The following KIF13B variants were observed in gnomAD, a reference collection of about 807,000 sequenced individuals.
The protein encoded by KIF13B is kinesin-like protein KIF13B.
KIF13B carries 127 observed loss-of-function variants against 222.0 expected under a neutral mutation model. The ratio of observed to expected loss-of-function variants is 0.57; its 90% confidence interval spans 0.50 to 0.66. The LOEUF is 0.66. Ranked by LOEUF, KIF13B falls within the 30% of genes least tolerant of loss-of-function variation. The pLI, the probability that KIF13B is intolerant of heterozygous loss-of-function variation, is 0.00. For synonymous variants in KIF13B, 976 were observed against 919.0 expected (o/e 1.06, Z -1.12); for missense variants, 2,173 against 2,379.0 (o/e 0.91, Z 1.80).
At chr8:29,117,077 C>G in intron 30 of KIF13B, 70 bp from the exon 31 acceptor site, 1 of 1,404,404 alleles carries the variant, frequency 7.1e-7, no homozygotes, top group South Asian at 1.4e-5. Context: ...TCAAGGAAAC[C>G]ACCTTGGCTC....
At chr8:29,208,616 T>C (rs887353069) in intron 2 of KIF13B, among the ~76,000 whole-genome samples, 4 of 152,208 alleles carry the variant, frequency 2.6e-5, no homozygotes, top group Admixed American at 6.5e-5. Context: ...TAGGTCAGCG[T>C]TGGCTTGGGA....
chr8:29,228,472 A>AAAAAATATATATATATAT lies in KIF13B; in HGVS notation c.149+16873_149+16874insATATATATATATATTTTT. Among the ~76,000 whole-genome samples the AAAAAATATATATATATAT allele has an allele frequency of 4.9e-4, 57 of 117,076 alleles. 4 individuals carry two copies. Among genetic ancestry groups the AAAAAATATATATATATAT allele is most frequent in the South Asian group, 2.3e-3 (8 of 3,490 alleles). The allele number at this position is 117,076 out of a possible 152,430, so 76.8% of individuals were successfully genotyped here. A position where few individuals can be genotyped will look rare whatever the true frequency, so the allele number is the denominator to read the frequency against. On this transcript the variant is annotated intron_variant, in intron 2 of 39. Transcript: ENST00000524189. ...ACAGAGCCAGACTCCATCTTAAAAA[A>AAAAAATATATATATATAT]ATATATATATATATATATGAGATAC...
intron 1 of KIF13B, among the ~76,000 whole-genome samples, chr8:29,246,901 A>G (rs1816051658): frequency 6.6e-6 from 1 of 152,218 alleles, no homozygotes; most frequent in Non-Finnish European, 1.5e-5. Flanking sequence ...CCACAGGCAA[A>G]AGAATGAAGT....
rs547463544 is a variant in KIF13B at position 29,100,740 on chromosome 8, G to A, written c.4216-1499C>T. Among the ~76,000 whole-genome samples, 18 of 152,294 alleles carry A rather than the reference G, an allele frequency of 1.2e-4. No individual in the cohort carries two copies. In the East Asian group the frequency reaches 2.9e-3, roughly 24 times the overall value. ...GCTGAGATTACAGGCGTGAGCCAACGCGCCTGGCAAGTTTTCTTTACTAAT... is the reference window on the plus strand; with the variant it reads ...GCTGAGATTACAGGCGTGAGCCAACACGCCTGGCAAGTTTTCTTTACTAAT... On this transcript the variant is annotated intron_variant, in intron 35 of 39. Coordinates refer to ENST00000524189, the MANE Select transcript of KIF13B (RefSeq NM_015254.4).
intron 2 of KIF13B, among the ~76,000 whole-genome samples, chr8:29,210,472 G>A (rs1007087073): frequency 7.9e-5 from 12 of 152,138 alleles, no homozygotes; most frequent in Non-Finnish European, 1.6e-4. Flanking sequence ...TCTCCTTCCA[G>A]CCTTATTGCC....
intron 2 of KIF13B, among the ~76,000 whole-genome samples, chr8:29,205,372 C>A (rs1055821770): frequency 2.6e-5 from 4 of 152,132 alleles, no homozygotes; most frequent in African/African-American, 9.7e-5. Flanking sequence ...TAGATCTGAA[C>A]AACTACCACC....
At chr8:29,255,824 CAT>C (rs1467388338) in intron 1 of KIF13B, among the ~76,000 whole-genome samples, 16 of 152,170 alleles carry the variant, frequency 1.1e-4, no homozygotes, top group Admixed American at 4.6e-4. Context: ...ATTCCTGTGA[CAT>C]GTGATTGCTT....
chr8:29,115,631 T>C (rs2129657637), intron 31 of KIF13B, among the ~76,000 whole-genome samples: 1 of 152,274 alleles, frequency 6.6e-6, no homozygotes, highest in South Asian at 2.1e-4. Context: ...TGGCCTTAAA[T>C]TCTTACCTAG....
chr8:29,100,278 T>C (rs1208331087), intron 35 of KIF13B, among the ~76,000 whole-genome samples: 2 of 152,244 alleles, frequency 1.3e-5, no homozygotes, highest in Non-Finnish European at 2.9e-5. Flanking sequence ...CAGCCCTATC[T>C]AGGGAAGAAA....
At chr8:29,238,152 T>C (rs1489182734) in intron 2 of KIF13B, among the ~76,000 whole-genome samples, 1 of 152,222 alleles carries the variant, frequency 6.6e-6, no homozygotes, top group Non-Finnish European at 1.5e-5. Flanking sequence ...TTAAAATCGC[T>C]ATTTAAATTA....
At chr8:29,173,682 G>A (rs1022293114) in intron 10 of KIF13B, among the ~76,000 whole-genome samples, 1 of 151,810 alleles carries the variant, frequency 6.6e-6, no homozygotes, top group Admixed American at 6.6e-5. Flanking sequence ...AGTGGCTCAT[G>A]CCTGTAATCC....
intron 21 of KIF13B, among the ~76,000 whole-genome samples, chr8:29,139,072 T>C (rs1810693038): frequency 6.6e-6 from 1 of 152,076 alleles, no homozygotes; most frequent in South Asian, 2.1e-4. Flanking sequence ...GCTGAGTGTA[T>C]GAATGAAACG....
chr8:29,116,766 C>T (rs891066085), intron 31 of KIF13B, 65 bp downstream of exon 31: 55 of 1,446,488 alleles, frequency 3.8e-5, no homozygotes, highest in Middle Eastern at 1.9e-4. Context: ...TAACAGCAAG[C>T]ACTGCACGGC....
At chr8:29,218,398 A>C (rs1201064749) in intron 2 of KIF13B, among the ~76,000 whole-genome samples, 1 of 152,216 alleles carries the variant, frequency 6.6e-6, no homozygotes, top group Admixed American at 6.5e-5. Flanking sequence ...CTCTGTCAAC[A>C]TCTTGTCCTT....
intron 1 of KIF13B, 113 bp from the exon 2 acceptor site, chr8:29,245,552 T>G: frequency 2.8e-6 from 2 of 712,038 alleles, no homozygotes; most frequent in South Asian, 3.7e-5. Flanking sequence ...AAACACTCAA[T>G]GAAGTAGGAA....
intron 6 of KIF13B, among the ~76,000 whole-genome samples, chr8:29,182,251 A>G (rs994318000): frequency 2.0e-5 from 3 of 152,254 alleles, no homozygotes; most frequent in African/African-American, 7.2e-5. Flanking sequence ...TACTTACTAC[A>G]AAGAATGCAG....
At chr8:29,101,281 T>C (rs1271879297) in intron 35 of KIF13B, among the ~76,000 whole-genome samples, 1 of 152,182 alleles carries the variant, frequency 6.6e-6, no homozygotes, top group African/African-American at 2.4e-5. Flanking sequence ...AGCCACCTGC[T>C]TTGTGTACAG....
At chr8:29,245,841 G>T (rs1425178118) in intron 1 of KIF13B, among the ~76,000 whole-genome samples, 1 of 152,104 alleles carries the variant, frequency 6.6e-6, no homozygotes, top group Non-Finnish European at 1.5e-5. Context: ...ATGTTACGCA[G>T]AATACAAGAA....
intron 2 of KIF13B, among the ~76,000 whole-genome samples, chr8:29,228,092 T>C (rs1815106551): frequency 6.6e-6 from 1 of 151,942 alleles, no homozygotes; most frequent in African/African-American, 2.4e-5. Context: ...ACTGGAGGGC[T>C]TGTTAATTAG....
Sources: allele counts gnomAD v4.1 joint callset (sites outside exome capture counted in the v4.1 genomes callset), GRCh38; gene constraint gnomAD v4.1.1; transcripts MANE v1.5; gene names NCBI Gene and HGNC (gene_info 2026-07-23, HGNC 2026-07-21).